The following MCUR1 variants were observed in gnomAD, a reference collection of about 807,000 sequenced individuals.
MCUR1 encodes MCU regulator 1.
In MCUR1, 37 loss-of-function variants were observed where a neutral mutation model predicts 42.0. The observed-to-expected ratio is 0.88, with a 90% CI of 0.68 to 1.16. The LOEUF (loss-of-function observed/expected upper bound fraction) is 1.16. MCUR1 is among the 50% of genes most tolerant of loss of function. The pLI, the probability that MCUR1 is intolerant of heterozygous loss-of-function variation, is 0.00. For synonymous variants in MCUR1, 229 were observed against 196.2 expected (o/e 1.17, Z -1.40); for missense variants, 469 against 468.4 (o/e 1.00, Z -0.01).
At chr6:13,811,827 G>A (rs1190967837) in intron 1 of MCUR1, among the ~76,000 whole-genome samples, 1 of 151,516 alleles carries the variant, frequency 6.6e-6, no homozygotes, top group Non-Finnish European at 1.5e-5. Flanking sequence ...ACAATCACAT[G>A]ACTACTTTGT....
At chr6:13,811,971 T>G (rs1002084792) in intron 1 of MCUR1, among the ~76,000 whole-genome samples, 3 of 152,128 alleles carry the variant, frequency 2.0e-5, no homozygotes, top group African/African-American at 4.8e-5. Flanking sequence ...CACTTTCCAT[T>G]GGTCACTCCA....
rs554720846 is a variant in MCUR1 at position 13,787,447 on chromosome 6, A to C, written c.*3362T>G. The C allele has an allele frequency of 3.3e-5, 5 of 152,238 alleles. No homozygotes were observed. In the South Asian group the frequency reaches 1.0e-3, roughly 32 times the overall value. 9.4% of individuals were successfully genotyped at this position (152,238 alleles called of 1,614,324 possible). A position where few individuals can be genotyped will look rare whatever the true frequency, so the allele number is the denominator to read the frequency against. Reference sequence around the variant, plus strand: ...CAGTAAAACCAATACAGAAACAAAAAGTCATGTTTCCAGTAAAGAACCGTA... The same window carrying C: ...CAGTAAAACCAATACAGAAACAAAACGTCATGTTTCCAGTAAAGAACCGTA... On this transcript the variant is annotated 3_prime_UTR_variant, in exon 9 of 9. Transcript: ENST00000379170.
rs577105150 is a variant in MCUR1, at chr6:13,800,969, T to TA, written c.741+318dup. On this transcript the variant is annotated intron_variant, in intron 4 of 8. Transcript: ENST00000379170. ...ATAAAATGATGGGGCCTATTGATGT[T>TA]AAGACTATAGACAATGAAAAAAATG... 1.8e-4 allele frequency among the ~76,000 whole-genome samples: 27 copies of TA among 152,212 alleles called. 1 individual carries two copies. Among genetic ancestry groups the TA allele is most frequent in the Non-Finnish European group, 3.2e-4 (22 of 68,042 alleles).
Position 13,814,170 on chromosome 6 carries a change from C to A in MCUR1, c.260G>T (p.Arg87Leu). 2.2e-6 allele frequency: 3 copies of A among 1,333,642 alleles called. No homozygotes were observed. The highest frequency in any genetic ancestry group is 2.9e-6 in the Non-Finnish European group (3 of 1,049,532). 82.6% of individuals were successfully genotyped at this position (1,333,642 alleles called of 1,614,324 possible). Reference protein sequence around the residue: ...SPRLAAAAPRRQLGDWERSRL... With the variant: ...SPRLAAAAPRLQLGDWERSRL... ...CGAGCGCTCCCAGTCCCCGAGCTGC[C>A]GGCGCGGGGCTGCGGCGGCCAAGCG... Residue 87 changes from arginine (R) to leucine (L), a missense_variant, in exon 1 of 9, where the codon CGG (arginine) becomes CTG (leucine). Coordinates refer to ENST00000379170, the MANE Select transcript of MCUR1 (RefSeq NM_001031713.4).
chr6:13,803,387 T>C (rs546755139), intron 2 of MCUR1, among the ~76,000 whole-genome samples: 175 of 152,320 alleles, frequency 1.1e-3, no homozygotes, highest in African/African-American at 4.0e-3. Context: ...TTTAAAAACA[T>C]TGGATAGTAA....
At chr6:13,791,488 G>A (rs1759727133) in intron 8 of MCUR1, among the ~76,000 whole-genome samples, 1 of 152,114 alleles carries the variant, frequency 6.6e-6, no homozygotes, top group Non-Finnish European at 1.5e-5. Context: ...ATCAAAAATC[G>A]CGAAAGTAAA....
intron 2 of MCUR1, among the ~76,000 whole-genome samples, chr6:13,802,650 C>T (rs1468549362): frequency 6.6e-6 from 1 of 152,066 alleles, no homozygotes; most frequent in African/African-American, 2.4e-5. Context: ...AAGTCAACAT[C>T]AAGTGAAAAA....
Position 13,788,567 on chromosome 6 carries a change from T to A in MCUR1, c.*2242A>T, listed in dbSNP as rs1054264007. 4 of 152,192 alleles carry A rather than the reference T, an allele frequency of 2.6e-5. No individual in the cohort carries two copies. Among genetic ancestry groups the A allele is most frequent in the African/African-American group, 9.7e-5 (4 of 41,436 alleles). 9.4% of individuals were successfully genotyped at this position (152,192 alleles called of 1,614,324 possible). On this transcript the variant is annotated 3_prime_UTR_variant, in exon 9 of 9. Coordinates refer to ENST00000379170, the MANE Select transcript of MCUR1 (RefSeq NM_001031713.4). The stretch of plus-strand genomic sequence containing the variant: ...AAATTTTATCAGGATACAAGGACAC[T>A]TCACTGTTTTTAACCCACACAAGGT...
intron 6 of MCUR1, among the ~76,000 whole-genome samples, chr6:13,798,089 CAT>C (rs1759896867): frequency 6.6e-6 from 1 of 151,874 alleles, no homozygotes. Flanking sequence ...TAAAAGACAA[CAT>C]AGAAATTTTC....
rs1759624433 is a variant in MCUR1 at position 13,787,292 on chromosome 6, C to T, written c.*3517G>A. The T allele has an allele frequency of 6.6e-6, 1 of 152,146 alleles. No individual in the cohort carries two copies. 9.4% of individuals were successfully genotyped at this position (152,146 alleles called of 1,614,324 possible). A position where few individuals can be genotyped will look rare whatever the true frequency, so the allele number is the denominator to read the frequency against. ...TCAGGGTTTCTGTTTTTCAAGTGTT[C>T]AGAGACGAATTCCAGCAAGACTTCT... is the stretch of plus-strand genomic sequence containing the variant. On this transcript the variant is annotated 3_prime_UTR_variant, in exon 9 of 9. Transcript: ENST00000379170.
In MCUR1 at chr6:13,792,076, C is replaced by CTAT. The variant is rs199604263; in HGVS notation, c.910-85_910-84insATA. On this transcript the variant is annotated intron_variant, in intron 7 of 8. Transcript: ENST00000379170. ...CCTATAGCTCCTTCCCAACGGGGTG[C>CTAT]AGTCACAGGGAAACCTGGGTAAGAC... 2,595 of 1,015,464 alleles carry CTAT rather than the reference C, an allele frequency of 2.6e-3. 49 individuals carry two copies. In the African/African-American group the frequency reaches 0.037, roughly 15 times the overall value. The allele number at this position is 1,015,464 out of a possible 1,614,324, so 62.9% of individuals were successfully genotyped here. A position where few individuals can be genotyped will look rare whatever the true frequency, so the allele number is the denominator to read the frequency against.
chr6:13,790,760 TG>T lies in MCUR1; in HGVS notation c.*48del. The T allele has an allele frequency of 6.7e-7, 1 of 1,482,378 alleles. No individual in the cohort carries two copies. 91.8% of individuals were successfully genotyped at this position (1,482,378 alleles called of 1,614,324 possible). On this transcript the variant is annotated 3_prime_UTR_variant, in exon 9 of 9. Transcript: ENST00000379170. The stretch of plus-strand genomic sequence containing the variant: ...GAGCCACCGCACCCAGCCAACAATC[TG>T]GTATTCTTAAGGCAAAACAGTAGAA...
chr6:13,800,762 C>CA (rs1759972421), intron 4 of MCUR1, among the ~76,000 whole-genome samples: 1 of 152,106 alleles, frequency 6.6e-6, no homozygotes, highest in Admixed American at 6.5e-5. Flanking sequence ...GGTCAACAGG[C>CA]AATAAATGGC....
intron 2 of MCUR1, among the ~76,000 whole-genome samples, chr6:13,806,689 G>A (rs548863754): frequency 2.6e-5 from 4 of 152,320 alleles, no homozygotes; most frequent in Non-Finnish European, 5.9e-5. Context: ...TACTCGGGAG[G>A]CTGAGGTGGG....
At position 13,789,498 on chromosome 6, in the gene MCUR1, C is replaced by T. The variant is rs148421136; in HGVS notation, c.*1311G>A. 6 of 151,888 alleles carry T rather than the reference C, an allele frequency of 4.0e-5. No homozygotes were observed. Among genetic ancestry groups the T allele is most frequent in the African/African-American group, 1.5e-4 (6 of 41,344 alleles). 9.4% of individuals were successfully genotyped at this position (151,888 alleles called of 1,614,324 possible). ...AAGGCAGGTATGAGAATGTTTTGAACAACAGAATTAATCCATCTAGATTAG... is the reference window on the plus strand; with the variant it reads ...AAGGCAGGTATGAGAATGTTTTGAATAACAGAATTAATCCATCTAGATTAG... On this transcript the variant is annotated 3_prime_UTR_variant, in exon 9 of 9. Transcript: ENST00000379170.
intron 2 of MCUR1, among the ~76,000 whole-genome samples, chr6:13,806,244 T>A (rs776580289): frequency 1.2e-4 from 18 of 149,732 alleles, no homozygotes; most frequent in Admixed American, 2.7e-4. Context: ...AGGGCGAGAC[T>A]CCATCTCAAA....
chr6:13,801,248 A>T, intron 4 of MCUR1, 40 bp downstream of exon 4: 2 of 1,295,810 alleles, frequency 1.5e-6, no homozygotes, highest in Non-Finnish European at 2.2e-6. Context: ...TCAATGTCTT[A>T]ATATAATCAA....
rs1760334736 is a variant in MCUR1, at chr6:13,814,537, A to C, written c.-108T>G. The C allele has an allele frequency of 1.8e-6, 2 of 1,119,556 alleles. No homozygotes were observed. The highest frequency in any genetic ancestry group is 3.4e-5 in the African/African-American group (2 of 59,310). The allele number at this position is 1,119,556 out of a possible 1,614,324, so 69.4% of individuals were successfully genotyped here. On this transcript the variant is annotated 5_prime_UTR_variant, in exon 1 of 9. Coordinates refer to ENST00000379170, the MANE Select transcript of MCUR1 (RefSeq NM_001031713.4). ...GACAGCGGGAGCGAGCGTGGGCCAC[A>C]GCGCAGGACCGCCCTTTCCTGCCGG...
Position 13,806,911 on chromosome 6 carries a change from T to C in MCUR1, c.535+14A>G. 2 of 1,578,908 alleles carry C rather than the reference T, an allele frequency of 1.3e-6. No individual in the cohort carries two copies. Among genetic ancestry groups the C allele is most frequent in the Non-Finnish European group, 1.7e-6 (2 of 1,158,406 alleles). On this transcript the variant is annotated intron_variant, in intron 2 of 8. Coordinates refer to ENST00000379170, the MANE Select transcript of MCUR1 (RefSeq NM_001031713.4). Reference sequence around the variant, plus strand: ...TTTTTCTAAGGCACTAAATGACGAATGACAGAGGATTACCATTGTCTTCCA... The same window carrying C: ...TTTTTCTAAGGCACTAAATGACGAACGACAGAGGATTACCATTGTCTTCCA...
Sources: allele counts gnomAD v4.1 joint callset (sites outside exome capture counted in the v4.1 genomes callset), GRCh38; gene constraint gnomAD v4.1.1; transcripts MANE v1.5; gene names NCBI Gene and HGNC (gene_info 2026-07-23, HGNC 2026-07-21).